The following TANC2 variants were observed in gnomAD, a reference collection of about 807,000 sequenced individuals.
TANC2 encodes the protein tetratricopeptide repeat, ankyrin repeat and coiled-coil containing 2, also known as protein TANC2.
In TANC2, 26 loss-of-function variants were observed where a neutral mutation model predicts 210.5. The ratio of observed to expected loss-of-function variants is 0.12; its 90% CI spans 0.09 to 0.17. The LOEUF (loss-of-function observed/expected upper bound fraction) is 0.17. TANC2 is among the 10% of genes least tolerant of loss of function. TANC2 has a pLI of 1.00. For missense variants in TANC2, 2,129 were observed against 2,608.9 expected (o/e 0.82, Z 4.01); for synonymous variants, 931 against 967.1 (o/e 0.96, Z 0.69).
chr17:63,322,005 T>C (rs2045510044), intron 11 of TANC2, among the ~76,000 whole-genome samples: 1 of 152,164 alleles, frequency 6.6e-6, no homozygotes, highest in African/African-American at 2.4e-5. Context: ...AAGGTTCAAA[T>C]TTTTCATAGA....
At chr17:63,317,107 AC>A (rs2045340287) in intron 10 of TANC2, among the ~76,000 whole-genome samples, 1 of 152,144 alleles carries the variant, frequency 6.6e-6, no homozygotes, top group African/African-American at 2.4e-5. Flanking sequence ...TAATAAAAAA[AC>A]ATGGGAAATC....
intron 2 of TANC2, among the ~76,000 whole-genome samples, chr17:63,037,707 G>A (rs1038929315): frequency 1.3e-5 from 2 of 151,952 alleles, no homozygotes; most frequent in African/African-American, 2.4e-5. Context: ...CCAGCTACTC[G>A]GGAGTCTGAG....
intron 2 of TANC2, among the ~76,000 whole-genome samples, chr17:63,023,252 G>A (rs974488996): frequency 9.9e-5 from 15 of 152,226 alleles, no homozygotes; most frequent in African/African-American, 3.1e-4. Flanking sequence ...GCAAAGTCAT[G>A]GGAGCTGGGT....
intron 9 of TANC2, among the ~76,000 whole-genome samples, chr17:63,295,050 CA>C (rs1157320753): frequency 6.6e-6 from 1 of 152,148 alleles, no homozygotes; most frequent in Non-Finnish European, 1.5e-5. Context: ...CCCCGTAATG[CA>C]GGCCAACAGT....
At chr17:63,328,041 A>G (rs1465335352) in intron 11 of TANC2, among the ~76,000 whole-genome samples, 1 of 152,212 alleles carries the variant, frequency 6.6e-6, no homozygotes, top group Non-Finnish European at 1.5e-5. Flanking sequence ...TTTTACAGCA[A>G]CATGGATGCA....
At chr17:63,029,416 T>C (rs971721202) in intron 2 of TANC2, among the ~76,000 whole-genome samples, 1 of 149,682 alleles carries the variant, frequency 6.7e-6, no homozygotes, top group African/African-American at 2.5e-5. Context: ...TTATAATACA[T>C]ATTTGTTAAA....
intron 1 of TANC2, among the ~76,000 whole-genome samples, chr17:63,005,896 T>TTGTGTGTG (rs56763847): frequency 2.8e-3 from 366 of 132,838 alleles, no homozygotes; most frequent in East Asian, 0.014. Context: ...GCTGTATAGT[T>TTGTGTGTG]TGTGTGTGTG....
At position 63,283,472 on chromosome 17, in the gene TANC2, C is replaced by CA. The variant is rs200972497; in HGVS notation, c.1159+15610dup. Among the ~76,000 whole-genome samples, 384 of 142,650 alleles carry CA rather than the reference C, an allele frequency of 2.7e-3. 2 individuals carry two copies. Among genetic ancestry groups the CA allele is most frequent in the African/African-American group, 5.5e-3 (212 of 38,554 alleles). The allele number at this position is 142,650 out of a possible 152,430, so 93.6% of individuals were successfully genotyped here. ...CCGTGTGAAGCCTTATAAATTTCTA[C>CA]AAAAAAAAAAACTGCTAGAGTTTTT... On this transcript the variant is annotated intron_variant, in intron 9 of 27. Coordinates refer to ENST00000689528, the Ensembl canonical transcript of TANC2.
chr17:63,380,185 C>G, intron 15 of TANC2, among the ~76,000 whole-genome samples: 1 of 152,194 alleles, frequency 6.6e-6, no homozygotes, highest in East Asian at 1.9e-4. Context: ...GGCAATTACT[C>G]TTTCCATTTT....
At chr17:63,252,876 G>T (rs1372855297) in intron 8 of TANC2, among the ~76,000 whole-genome samples, 1 of 151,946 alleles carries the variant, frequency 6.6e-6, no homozygotes, top group African/African-American at 2.4e-5. Context: ...CAATTACCCA[G>T]TCTTCTGTTG....
intron 3 of TANC2, among the ~76,000 whole-genome samples, chr17:63,098,493 C>T (rs1380714058): frequency 1.0e-5 from 1 of 100,456 alleles, no homozygotes; most frequent in South Asian, 3.0e-4. Flanking sequence ...CACTCTCTCT[C>T]TCTCTCTCTC....
chr17:63,016,357 A>G (rs545467445), intron 2 of TANC2, among the ~76,000 whole-genome samples: 4 of 152,332 alleles, frequency 2.6e-5, no homozygotes, highest in African/African-American at 4.8e-5. Context: ...TAGGAGGATC[A>G]TGAGATCAGC....
chr17:63,420,579 C>A lies in TANC2; in HGVS notation c.4849C>A (p.Pro1617Thr), dbSNP rs756478162. 59 of 1,613,788 alleles carry A rather than the reference C, an allele frequency of 3.7e-5. No individual in the cohort carries two copies. The highest frequency in any genetic ancestry group is 6.7e-5 in the Admixed American group (4 of 59,990). Residue 1617 changes from proline (P) to threonine (T), a missense_variant, in exon 28 of 28, where the codon CCT becomes ACT. By Grantham distance (38) the Pro-to-Thr change is conservative (BLOSUM62 -1). Transcript: ENST00000689528. The surrounding 1 kb of genome is among the most constrained non-coding windows in gnomAD (Gnocchi z 4.2). ...GGGCAAAGAATACCCAAGCCCTCCC[C>A]CTTCCCCTCTCCGGAGAGGCCCTCA...
At chr17:62,983,571 T>C (rs557957567) in intron 1 of TANC2, among the ~76,000 whole-genome samples, 1 of 152,282 alleles carries the variant, frequency 6.6e-6, no homozygotes, top group African/African-American at 2.4e-5. Context: ...CTTTGAGCTT[T>C]TACCCATTCA....
intron 2 of TANC2, among the ~76,000 whole-genome samples, chr17:63,044,688 T>C (rs1274023462): frequency 6.6e-6 from 1 of 152,184 alleles, no homozygotes; most frequent in Non-Finnish European, 1.5e-5. Context: ...TTTACCAATT[T>C]ATATTCTTAG....
chr17:63,181,093 C>A (rs141927870), intron 5 of TANC2, among the ~76,000 whole-genome samples: 1 of 147,436 alleles, frequency 6.8e-6, no homozygotes, highest in Non-Finnish European at 1.5e-5. Flanking sequence ...ATTAGAGGGA[C>A]GTGTGTGTTC....
chr17:63,413,518 C>G (rs746047240), intron 24 of TANC2, 25 bp from the exon 25 acceptor site: 8 of 1,553,582 alleles, frequency 5.1e-6, no homozygotes, highest in Non-Finnish European at 6.1e-6. Context: ...AGTTTTTTAC[C>G]CATCATGCAT....
Position 63,310,297 on chromosome 17 carries a change from A to G in TANC2, c.1160-4091A>G, listed in dbSNP as rs371735970. 2.0e-3 allele frequency among the ~76,000 whole-genome samples: 299 copies of G among 152,182 alleles called. 11 individuals are homozygous for G. In the South Asian group the frequency reaches 0.059, roughly 30 times the overall value. On this transcript the variant is annotated intron_variant, in intron 9 of 27. Transcript: ENST00000689528. The stretch of plus-strand genomic sequence containing the variant: ...CCCTATCTCTACTAAAAATACAAAA[A>G]TTAGCCTGGTGTCGTTGCACACGCC...
Position 63,237,768 on chromosome 17 carries a change from G to T in TANC2, c.770-46G>T, listed in dbSNP as rs543027428. ...TCAACTTTGTCAAAGATTAATAACT[G>T]TATGTATGTGGCTTTATTAAATTCA... On this transcript the variant is annotated intron_variant, in intron 7 of 27. Transcript: ENST00000689528. 27 of 1,481,878 alleles carry T rather than the reference G, an allele frequency of 1.8e-5. No individual in the cohort carries two copies. In the Admixed American group the frequency reaches 6.1e-4, roughly 34 times the overall value. 91.8% of individuals were successfully genotyped at this position (1,481,878 alleles called of 1,614,324 possible). A position where few individuals can be genotyped will look rare whatever the true frequency, so the allele number is the denominator to read the frequency against.
Sources: gnomAD v4.1 joint callset for allele counts (sites outside exome capture counted in the v4.1 genomes callset) on GRCh38, gnomAD v4.1.1 for gene constraint, Gnocchi (gnomAD v3.1) non-coding constraint, MANE v1.5 for transcripts, NCBI Gene and HGNC (gene_info 2026-07-23, HGNC 2026-07-21) for gene names.